Variants in FAM222B observed in about 807,000 individuals in gnomAD.
The protein encoded by FAM222B is family with sequence similarity 222 member B.
A neutral mutation model predicts 38.0 loss-of-function variants in FAM222B; 12 were observed. That is an observed-to-expected ratio of 0.32 (90% CI 0.20 to 0.51). FAM222B has a LOEUF of 0.51. FAM222B is among the 20% of genes least tolerant of loss of function. The pLI is 0.97. For missense variants in FAM222B, 716 were observed against 754.2 expected (o/e 0.95, Z 0.59); for synonymous variants, 329 against 317.2 (o/e 1.04, Z -0.40).
intron 1 of FAM222B, among the ~76,000 whole-genome samples, chr17:28,825,445 A>C (rs1443321821): frequency 2.0e-5 from 3 of 151,542 alleles, no homozygotes; most frequent in Non-Finnish European, 2.9e-5. Context: ...AAAAAAAAAA[A>C]AAAAAAAAAA....
rs57583458 is a variant in FAM222B at position 28,779,751 on chromosome 17, AAAATAAAT to A, written c.-40-13052_-40-13045del. Among the ~76,000 whole-genome samples, 576 of 144,686 alleles carry A rather than the reference AAAATAAAT, an allele frequency of 4.0e-3. 1 individual carries two copies. The highest frequency in any genetic ancestry group is 0.011 in the African/African-American group (427 of 39,514). 94.9% of individuals were successfully genotyped at this position (144,686 alleles called of 152,430 possible). On this transcript the variant is annotated intron_variant, in intron 1 of 2. Coordinates refer to ENST00000581407, the MANE Select transcript of FAM222B (RefSeq NM_001077498.3). ...GGGCGACAGAGCGAGACTCCGTCTC[AAAATAAAT>A]AAATAAATAAATAAATAAATAAATA... is the stretch of plus-strand genomic sequence containing the variant.
intron 1 of FAM222B, among the ~76,000 whole-genome samples, 174 bp downstream of exon 1, chr17:28,842,508 G>A (rs56254351): frequency 0.09 from 13,620 of 152,088 alleles, 698 homozygotes; most frequent in African/African-American, 0.13. Flanking sequence ...GTCCAGCTCT[G>A]CGGCCGGCGA....
chr17:28,846,090 G>A (rs1052484307), upstream of FAM222B, among the ~76,000 whole-genome samples: 13 of 150,688 alleles, frequency 8.6e-5, no homozygotes, highest in Admixed American at 7.3e-4. Context: ...GTAGTCCCAG[G>A]TACACAGGAG....
chr17:28,787,743 G>T (rs918400074), intron 1 of FAM222B, among the ~76,000 whole-genome samples: 1 of 151,330 alleles, frequency 6.6e-6, no homozygotes, highest in African/African-American at 2.4e-5. Flanking sequence ...TAAACACACA[G>T]ATAAAGATTC....
At chr17:28,826,983 A>T (rs1286568201) in intron 1 of FAM222B, among the ~76,000 whole-genome samples, 1 of 152,014 alleles carries the variant, frequency 6.6e-6, no homozygotes, top group African/African-American at 2.4e-5. Flanking sequence ...TTTGCCAAAA[A>T]AATTTTTTTT....
Position 28,758,240 on chromosome 17 carries a change from T to C in FAM222B, c.*30A>G, listed in dbSNP as rs760617668. Reference sequence around the variant, plus strand: ...CTAAACCTAGGAGGGTGATGTATGATGTGTTGCACGTGGAGGGCAGCAGGG... The same window carrying C: ...CTAAACCTAGGAGGGTGATGTATGACGTGTTGCACGTGGAGGGCAGCAGGG... On this transcript the variant is annotated 3_prime_UTR_variant, in exon 3 of 3. Transcript: ENST00000581407. The C allele has an allele frequency of 1.3e-6, 2 of 1,503,040 alleles. No individual in the cohort carries two copies. Among genetic ancestry groups the C allele is most frequent in the African/African-American group, 2.8e-5 (2 of 71,558 alleles). The allele number at this position is 1,503,040 out of a possible 1,614,324, so 93.1% of individuals were successfully genotyped here. A position where few individuals can be genotyped will look rare whatever the true frequency, so the allele number is the denominator to read the frequency against.
chr17:28,827,289 T>C (rs1405120694), intron 1 of FAM222B, among the ~76,000 whole-genome samples: 1 of 151,914 alleles, frequency 6.6e-6, no homozygotes, highest in Non-Finnish European at 1.5e-5. Flanking sequence ...CCCAAGACTT[T>C]AGAAGCTGCA....
chr17:28,758,753 G>A lies in FAM222B; in HGVS notation c.1206C>T (p.Gly402=), dbSNP rs781545036. 2 of 1,573,628 alleles carry A rather than the reference G, an allele frequency of 1.3e-6. No individual in the cohort carries two copies. The highest frequency in any genetic ancestry group is 1.7e-6 in the Non-Finnish European group (2 of 1,157,910). The part of the protein sequence containing the change: ...HAAGRELAGP[G]FVGKAPAYPQ... The stretch of plus-strand genomic sequence containing the variant: ...GGTAGGCAGGGGCCTTGCCCACAAA[G>A]CCAGGCCCTGCCAACTCGCGTCCTG... The change falls in exon 3 of 3, where the codon GGC becomes GGT. Residue 402 remains glycine, a synonymous_variant. Coordinates refer to ENST00000581407, the MANE Select transcript of FAM222B (RefSeq NM_001077498.3).
intron 1 of FAM222B, among the ~76,000 whole-genome samples, chr17:28,851,416 C>T (rs1487784326): frequency 6.6e-6 from 1 of 151,718 alleles, no homozygotes; most frequent in East Asian, 1.9e-4. Context: ...AGACTGTAAC[C>T]CCACCTACTT....
At chr17:28,766,781 G>T in intron 1 of FAM222B, 74 bp from the exon 2 acceptor site, 1 of 834,762 alleles carries the variant, frequency 1.2e-6, no homozygotes, top group South Asian at 1.5e-5. Flanking sequence ...CACTGGATAT[G>T]ACTGGCGTGA....
At chr17:28,807,793 G>C (rs1166803746) in intron 1 of FAM222B, among the ~76,000 whole-genome samples, 1 of 152,202 alleles carries the variant, frequency 6.6e-6, no homozygotes, top group Non-Finnish European at 1.5e-5. Context: ...ACCATCAAGT[G>C]TTCACAGAAT....
At chr17:28,801,491 G>C (rs1177885150) in intron 1 of FAM222B, among the ~76,000 whole-genome samples, 1 of 151,268 alleles carries the variant, frequency 6.6e-6, no homozygotes, top group Non-Finnish European at 1.5e-5. Flanking sequence ...AGTTCTGGGA[G>C]AGTAAGATAA....
At chr17:28,775,061 C>T (rs558256600) in intron 1 of FAM222B, among the ~76,000 whole-genome samples, 14 of 133,088 alleles carry the variant, frequency 1.1e-4, no homozygotes, top group East Asian at 4.5e-4. Flanking sequence ...AGTGCAGTGG[C>T]GCGATCTCAG....
intron 1 of FAM222B, among the ~76,000 whole-genome samples, chr17:28,806,808 T>G (rs1171879379): frequency 6.6e-6 from 1 of 152,134 alleles, no homozygotes; most frequent in Admixed American, 6.6e-5. Flanking sequence ...CTGAAATTTC[T>G]TGGAGAAAAT....
At chr17:28,843,223 C>T (rs1400576744), upstream of FAM222B, among the ~76,000 whole-genome samples, 1 of 151,662 alleles carries the variant, frequency 6.6e-6, no homozygotes, top group Non-Finnish European at 1.5e-5. Context: ...AAACAACCTC[C>T]GCCTCCCGGG....
At chr17:28,812,450 G>A (rs2037825607) in intron 1 of FAM222B, 1 of 152,184 alleles carries the variant, frequency 6.6e-6, no homozygotes, top group Non-Finnish European at 1.5e-5. Context: ...CTTGCTCCCA[G>A]CCGCCGCCGG....
At chr17:28,799,003 TCTCA>T (rs1417772968) in intron 1 of FAM222B, among the ~76,000 whole-genome samples, 1 of 142,322 alleles carries the variant, frequency 7.0e-6, no homozygotes, top group Non-Finnish European at 1.5e-5. Flanking sequence ...TGGGATGGAG[TCTCA>T]CTCTGTTGAC....
At chr17:28,816,787 T>C (rs2038042122) in intron 1 of FAM222B, among the ~76,000 whole-genome samples, 1 of 152,138 alleles carries the variant, frequency 6.6e-6, no homozygotes, top group Non-Finnish European at 1.5e-5. Context: ...TATTGTTCAT[T>C]AGACTTCAAG....
intron 1 of FAM222B, among the ~76,000 whole-genome samples, chr17:28,851,697 G>A (rs1329950719): frequency 6.6e-6 from 1 of 151,598 alleles, no homozygotes; most frequent in African/African-American, 2.4e-5. Context: ...CCAACATGGC[G>A]AAACCCTGTC....
Sources: gnomAD v4.1 joint callset for allele counts (sites outside exome capture counted in the v4.1 genomes callset) on GRCh38, gnomAD v4.1.1 for gene constraint, MANE v1.5 for transcripts, NCBI Gene and HGNC (gene_info 2026-07-23, HGNC 2026-07-21) for gene names.